EFCAB6: variants seen among roughly 807,000 people sequenced by gnomAD.
The protein encoded by EFCAB6 is EF-hand calcium-binding domain-containing protein 6.
In EFCAB6, 156 loss-of-function variants were observed where a neutral mutation model predicts 169.8. The ratio of observed to expected loss-of-function variants is 0.92; its 90% CI spans 0.81 to 1.05. The LOEUF is 1.05. EFCAB6 is among the 50% of genes least tolerant of loss of function. The probability of loss-of-function intolerance (pLI) is 0.00; values close to 1 mark genes in which losing one functional copy is unlikely to be tolerated. For missense variants in EFCAB6, 1,800 were observed against 1,829.1 expected (o/e 0.98, Z 0.29); for synonymous variants, 698 against 676.4 (o/e 1.03, Z -0.50).
chr22:43,778,355 T>C (rs771411071), intron 3 of EFCAB6, among the ~76,000 whole-genome samples: 12 of 152,196 alleles, frequency 7.9e-5, no homozygotes, highest in Non-Finnish European at 1.6e-4. Context: ...CACCCCAGCA[T>C]GGCACACGAG....
chr22:43,593,639 C>T (rs866236360), intron 23 of EFCAB6, among the ~76,000 whole-genome samples: 14 of 152,206 alleles, frequency 9.2e-5, no homozygotes, highest in Non-Finnish European at 1.3e-4. Flanking sequence ...GGGGTGTGTT[C>T]GAACTGCTCT....
intron 2 of EFCAB6, among the ~76,000 whole-genome samples, chr22:43,801,283 A>G (rs985177506): frequency 1.7e-4 from 26 of 152,308 alleles, no homozygotes; most frequent in African/African-American, 6.0e-4. Flanking sequence ...CAGACAAACA[A>G]AAGTTGAGAG....
At chr22:43,664,685 C>G (rs897322054) in intron 17 of EFCAB6, among the ~76,000 whole-genome samples, 2 of 152,150 alleles carry the variant, frequency 1.3e-5, no homozygotes, top group African/African-American at 4.8e-5. Flanking sequence ...CAAGGAAGAG[C>G]CAGCCTCTGT....
chr22:43,598,432 T>C lies in EFCAB6; in HGVS notation c.2876+1637A>G, dbSNP rs117055147. On this transcript the variant is annotated intron_variant, in intron 23 of 31. Coordinates refer to ENST00000262726, the MANE Select transcript of EFCAB6 (RefSeq NM_022785.4). ...AAGGGAAGGGTCGGGAGGGGGAAGA[T>C]AAGAGAAGTTGGATAAGGGGTACAA... Among the ~76,000 whole-genome samples the C allele has an allele frequency of 1.0e-4, 15 of 149,474 alleles. No individual in the cohort carries two copies. In the East Asian group the frequency reaches 3.0e-3, roughly 30 times the overall value.
At chr22:43,605,838 G>C (rs1382913162) in intron 22 of EFCAB6, among the ~76,000 whole-genome samples, 2 of 152,158 alleles carry the variant, frequency 1.3e-5, no homozygotes, top group African/African-American at 4.8e-5. Flanking sequence ...AGAAAATCTT[G>C]AATCAATAAA....
At chr22:43,623,362 G>A (rs1346543766) in intron 20 of EFCAB6, among the ~76,000 whole-genome samples, 1 of 152,046 alleles carries the variant, frequency 6.6e-6, no homozygotes, top group Non-Finnish European at 1.5e-5. Context: ...GGACTGGAAG[G>A]GAATCGAAGA....
At chr22:43,542,156 T>C (rs1340099853) in intron 27 of EFCAB6, among the ~76,000 whole-genome samples, 3 of 152,220 alleles carry the variant, frequency 2.0e-5, no homozygotes, top group African/African-American at 7.2e-5. Context: ...GGATAAACAC[T>C]GAGGGAGGTC....
chr22:43,641,343 C>T (rs1360090159), intron 17 of EFCAB6, among the ~76,000 whole-genome samples: 2 of 152,260 alleles, frequency 1.3e-5, no homozygotes, highest in East Asian at 3.9e-4. Context: ...GGACCAGGCA[C>T]AGCGGCTCAC....
At chr22:43,704,589 T>C (rs2058887051) in intron 10 of EFCAB6, among the ~76,000 whole-genome samples, 2 of 152,128 alleles carry the variant, frequency 1.3e-5, no homozygotes, top group African/African-American at 2.4e-5. Context: ...TCAAGAAATA[T>C]ATAAGATTAT....
chr22:43,659,582 C>G (rs972619721), intron 17 of EFCAB6, among the ~76,000 whole-genome samples: 14 of 151,976 alleles, frequency 9.2e-5, no homozygotes, highest in Non-Finnish European at 2.1e-4. Context: ...ACTGCTTGAG[C>G]CTGGGAGGTC....
At chr22:43,708,865 C>G (rs2059054633) in intron 10 of EFCAB6, among the ~76,000 whole-genome samples, 1 of 152,050 alleles carries the variant, frequency 6.6e-6, no homozygotes, top group African/African-American at 2.4e-5. Context: ...CTTGAGTGTT[C>G]ACTCTGCTAT....
intron 17 of EFCAB6, among the ~76,000 whole-genome samples, chr22:43,641,220 T>C (rs1363856731): frequency 6.6e-6 from 1 of 152,224 alleles, no homozygotes; most frequent in Admixed American, 6.5e-5. Flanking sequence ...CTCTTGCTAT[T>C]GTGTCTGGTT....
intron 17 of EFCAB6, among the ~76,000 whole-genome samples, chr22:43,657,854 C>T (rs1361773486): frequency 1.3e-5 from 2 of 152,162 alleles, no homozygotes; most frequent in African/African-American, 4.8e-5. Flanking sequence ...TCAACGTCTG[C>T]CTCTGGATAG....
intron 6 of EFCAB6, among the ~76,000 whole-genome samples, chr22:43,740,507 A>G (rs569609535): frequency 6.6e-6 from 1 of 152,292 alleles, no homozygotes; most frequent in African/African-American, 2.4e-5. Flanking sequence ...AGTCATGATG[A>G]CATTCAGTGT....
rs114594818 is a variant in EFCAB6 at position 43,558,627 on chromosome 22, T to C, written c.3421-3531A>G. ...ATGTCTTATTTTAAGGAATTGGCAG[T>C]GCCACCCCAGCCTTCAGCAACCATC... On this transcript the variant is annotated intron_variant, in intron 26 of 31. Coordinates refer to ENST00000262726, the MANE Select transcript of EFCAB6 (RefSeq NM_022785.4). Among the ~76,000 whole-genome samples the C allele has an allele frequency of 1.8e-3, 279 of 152,306 alleles. 1 individual carries two copies. The highest frequency in any genetic ancestry group is 6.2e-3 in the African/African-American group (257 of 41,568).
At chr22:43,758,080 T>C (rs2061022058) in intron 5 of EFCAB6, among the ~76,000 whole-genome samples, 1 of 152,114 alleles carries the variant, frequency 6.6e-6, no homozygotes, top group Non-Finnish European at 1.5e-5. Flanking sequence ...CAGAAATTAA[T>C]GTAGTTACAC....
Position 43,678,052 on chromosome 22 carries a change from C to T in EFCAB6, c.1363G>A (p.Asp455Asn), listed in dbSNP as rs368381020. Reference sequence around the variant, plus strand: ...ATGCTGGTGTTGACCACTCCAGTGTCCCCAGGGTCAAGCATTTGCATTAGT... The same window carrying T: ...ATGCTGGTGTTGACCACTCCAGTGTTCCCAGGGTCAAGCATTTGCATTAGT... ...KELMQMLDPG[D>N]TGVVNTSMFI... Residue 455 changes from aspartate to asparagine, a missense_variant, in exon 13 of 32, where the codon GAC (aspartate) becomes AAC (asparagine). Transcript: ENST00000262726. The T allele has an allele frequency of 3.2e-5, 51 of 1,613,888 alleles. No individual in the cohort carries two copies. Among genetic ancestry groups the T allele is most frequent in the Non-Finnish European group, 4.1e-5 (48 of 1,179,994 alleles).
intron 13 of EFCAB6, among the ~76,000 whole-genome samples, chr22:43,672,654 T>A (rs1214399229): frequency 6.6e-6 from 1 of 151,952 alleles, no homozygotes; most frequent in Non-Finnish European, 1.5e-5. Context: ...CATGGACACA[T>A]AGAGGAGAAC....
intron 16 of EFCAB6, 41 bp from the exon 17 acceptor site, chr22:43,667,313 C>CT: frequency 6.2e-7 from 1 of 1,601,746 alleles, no homozygotes; most frequent in Non-Finnish European, 8.5e-7. Context: ...TGTCAACTGA[C>CT]ACACGCAGGG....
Sources: allele counts gnomAD v4.1 joint callset (sites outside exome capture counted in the v4.1 genomes callset), GRCh38; gene constraint gnomAD v4.1.1; transcripts MANE v1.5; gene names NCBI Gene and HGNC (gene_info 2026-07-23, HGNC 2026-07-21).